B4GALT1: variants seen among roughly 807,000 people sequenced by gnomAD.
B4GALT1 encodes N-acetyllactosamine synthase.
Under a neutral mutation model 34.9 loss-of-function variants are expected in B4GALT1, and 16 were observed. The observed-to-expected ratio is 0.46, with a 90% CI of 0.31 to 0.70. The LOEUF (loss-of-function observed/expected upper bound fraction) is 0.70, where lower values mean the gene tolerates loss of function less well. Among genes scored for constraint, B4GALT1 ranks in the 30% least tolerant of loss-of-function variants. The probability of loss-of-function intolerance (pLI) is 0.05; values close to 1 mark genes in which losing one functional copy is unlikely to be tolerated. For missense variants in B4GALT1, 445 were observed against 530.5 expected, an observed-to-expected ratio of 0.84 and a Z score of 1.58; for synonymous variants, 221 against 218.1, an observed-to-expected ratio of 1.01 and a Z score of -0.12.
At chr9:33,182,626 T>C in the B4GALT1 span, among the ~76,000 whole-genome samples, 199 of 152,286 alleles carry the variant, frequency 1.3e-3, no homozygotes, top group African/African-American at 4.6e-3. Flanking sequence ...ACTCCTCCTT[T>C]TGCAAAATTA....
intron 1 of B4GALT1, among the ~76,000 whole-genome samples, chr9:33,138,973 C>A (rs1282895628): frequency 6.6e-6 from 1 of 151,740 alleles, no homozygotes; most frequent in African/African-American, 2.4e-5. Context: ...CTCACCCTCA[C>A]ATACACACAC....
the B4GALT1 span, chr9:33,177,430 A>G: frequency 1.3e-5 from 2 of 152,178 alleles, no homozygotes. Context: ...GGGTTGGGAA[A>G]CTAGTTTCCA....
chr9:33,137,480 C>T (rs949315340), intron 1 of B4GALT1, among the ~76,000 whole-genome samples: 9 of 152,152 alleles, frequency 5.9e-5, no homozygotes, highest in Non-Finnish European at 1.2e-4. Flanking sequence ...ATAAGACTGC[C>T]TGCTGAGCCA....
At chr9:33,135,613 A>G (rs1057319854) in intron 1 of B4GALT1, among the ~76,000 whole-genome samples, 189 bp from the exon 2 acceptor site, 14 of 152,224 alleles carry the variant, frequency 9.2e-5, no homozygotes, top group African/African-American at 3.1e-4. Context: ...GTGACCAACC[A>G]TCCCCAGAAA....
chr9:33,143,682 C>T (rs1840385054), intron 1 of B4GALT1, among the ~76,000 whole-genome samples: 1 of 152,172 alleles, frequency 6.6e-6, no homozygotes, highest in Non-Finnish European at 1.5e-5. Flanking sequence ...TTTTGAGAAA[C>T]GCTGGTTTAC....
upstream of B4GALT1, among the ~76,000 whole-genome samples, chr9:33,169,438 A>T (rs1840818844): frequency 6.6e-6 from 1 of 152,122 alleles, no homozygotes; most frequent in Admixed American, 6.5e-5. Flanking sequence ...AGGTCTCTTA[A>T]ATGTCACCTT....
Position 33,135,197 on chromosome 9 carries a change from T to C in B4GALT1, c.640A>G (p.Ile214Val). The stretch of plus-strand genomic sequence containing the variant: ...ACCTTCCCAGGCCTCACCTGGTTGA[T>C]AACATAGATGCCATAGTCCAGCTGC... The part of the protein sequence containing the change: ...RQQLDYGIYV[I>V]NQAGDTIFNR... Residue 214 changes from isoleucine (I) to valine (V), a missense_variant, in exon 2 of 6, where the codon ATC becomes GTC. Coordinates refer to ENST00000379731, the MANE Select transcript of B4GALT1 (RefSeq NM_001497.4). 1 of 1,613,882 alleles carries C rather than the reference T, an allele frequency of 6.2e-7. No individual in the cohort carries two copies. Among genetic ancestry groups the C allele is most frequent in the Non-Finnish European group, 8.5e-7 (1 of 1,179,876 alleles).
intron 1 of B4GALT1, among the ~76,000 whole-genome samples, chr9:33,148,773 G>T (rs1455009066): frequency 1.4e-5 from 2 of 145,794 alleles, no homozygotes; most frequent in Non-Finnish European, 3.0e-5. Flanking sequence ...AAGAACAAGA[G>T]GACCATGGAA....
chr9:33,160,236 G>C (rs768639342), intron 1 of B4GALT1, among the ~76,000 whole-genome samples: 9 of 149,772 alleles, frequency 6.0e-5, no homozygotes, highest in Non-Finnish European at 1.3e-4. Context: ...AAAGCTTTCT[G>C]CACAAGCATC....
At position 33,113,527 on chromosome 9, in the gene B4GALT1, G is replaced by C. The variant is rs1475975691; in HGVS notation, c.1124C>G (p.Thr375Ser). Residue 375 changes from threonine (T) to serine (S), a missense_variant, in exon 6 of 6, where the codon ACC becomes AGC. Physicochemically the swap from Thr to Ser is moderately conservative, Grantham distance 58 (BLOSUM62 1). Around this residue, in one of 3 missense-constraint regions of B4GALT1, gnomAD observed 89 missense variants for 107.6 expected, o/e 0.83. Transcript: ENST00000379731. ...TMLSDGLNSL[T>S]YQVLDVQRYP... is the part of the protein sequence containing the mutation. ...TCTCTGTACATCCAGCACCTGGTAG[G>C]TGAGTGAGTTCAAACCATCAGAGAG... 7 of 1,614,120 alleles carry C rather than the reference G, an allele frequency of 4.3e-6. No homozygotes were observed. Among genetic ancestry groups the C allele is most frequent in the Admixed American group, 1.7e-5 (1 of 60,012 alleles).
chr9:33,128,297 G>C (rs1840142674), intron 2 of B4GALT1, among the ~76,000 whole-genome samples: 1 of 152,120 alleles, frequency 6.6e-6, no homozygotes, highest in African/African-American at 2.4e-5. Flanking sequence ...AGAGAGGTGA[G>C]GAAAAGAGAG....
chr9:33,174,522 G>A, the B4GALT1 span, among the ~76,000 whole-genome samples: 76 of 151,150 alleles, frequency 5.0e-4, 1 homozygote, highest in South Asian at 0.015. Flanking sequence ...GGTGGCACAT[G>A]CCTGTAATCC....
the B4GALT1 span, among the ~76,000 whole-genome samples, chr9:33,184,342 T>G: frequency 6.6e-5 from 10 of 151,478 alleles, no homozygotes; most frequent in African/African-American, 2.4e-4. Context: ...CAGCATCCAC[T>G]GGGGGTCTGA....
chr9:33,146,970 G>A (rs1450895188), intron 1 of B4GALT1, among the ~76,000 whole-genome samples: 1 of 152,108 alleles, frequency 6.6e-6, no homozygotes, highest in African/African-American at 2.4e-5. Context: ...CAAAGTGCTG[G>A]GATTACAGGC....
At chr9:33,162,583 A>G (rs1055713387) in intron 1 of B4GALT1, among the ~76,000 whole-genome samples, 7 of 152,236 alleles carry the variant, frequency 4.6e-5, no homozygotes, top group South Asian at 2.1e-4. Context: ...ACGCTAGGGC[A>G]TATCAGGTCA....
chr9:33,135,901 GTGTGTGTGTA>G (rs1223190769), intron 1 of B4GALT1, among the ~76,000 whole-genome samples: 56 of 117,578 alleles, frequency 4.8e-4, no homozygotes, highest in South Asian at 9.9e-4. Flanking sequence ...GTGTGTGTGT[GTGTGTGTGTA>G]TGTGTGTGTG....
chr9:33,177,187 C>T, the B4GALT1 span, among the ~76,000 whole-genome samples: 4 of 152,140 alleles, frequency 2.6e-5, no homozygotes, highest in Non-Finnish European at 5.9e-5. Flanking sequence ...AATCTCCATA[C>T]CAAGGCGGCA....
At chr9:33,119,812 G>A (rs1268568334) in intron 3 of B4GALT1, among the ~76,000 whole-genome samples, 3 of 152,190 alleles carry the variant, frequency 2.0e-5, no homozygotes, top group African/African-American at 4.8e-5. Flanking sequence ...TCCAAAACTT[G>A]TGGGGCAAGA....
intron 2 of B4GALT1, among the ~76,000 whole-genome samples, chr9:33,123,104 C>T (rs988310131): frequency 3.3e-5 from 5 of 151,928 alleles, no homozygotes; most frequent in African/African-American, 9.7e-5. Context: ...ATGGCGAAAG[C>T]CCGTCTCTAC....
Sources: gnomAD v4.1 joint callset for allele counts (sites outside exome capture counted in the v4.1 genomes callset) on GRCh38, gnomAD v4.1.1 for gene constraint, gnomAD v4.1.1 regional missense constraint, MANE v1.5 for transcripts, NCBI Gene and HGNC (gene_info 2026-07-23, HGNC 2026-07-21) for gene names.